OLFM3: variants seen among roughly 807,000 people sequenced by gnomAD.
OLFM3 encodes the protein noelin-3.
A neutral mutation model predicts 48.6 loss-of-function variants in OLFM3; 20 were observed. The observed-to-expected ratio is 0.41, with a 90% confidence interval of 0.29 to 0.60. OLFM3 has a LOEUF of 0.60. Among genes scored for constraint, OLFM3 ranks in the 20% least tolerant of loss-of-function variants. OLFM3 has a pLI of 0.28. For missense variants in OLFM3, 437 were observed against 544.3 expected, an observed-to-expected ratio of 0.80 and a Z score of 1.96; for synonymous variants, 222 against 198.1, an observed-to-expected ratio of 1.12 and a Z score of -1.01.
intron 1 of OLFM3, among the ~76,000 whole-genome samples, chr1:101,899,216 G>A (rs964101028): frequency 1.3e-5 from 2 of 152,064 alleles, no homozygotes; most frequent in Non-Finnish European, 2.9e-5. Context: ...GTTATTGCTA[G>A]AATTCAGTTC....
chr1:101,810,967 A>G (rs945932839), intron 4 of OLFM3, among the ~76,000 whole-genome samples: 1 of 151,852 alleles, frequency 6.6e-6, no homozygotes, highest in Non-Finnish European at 1.5e-5. Context: ...AATGATTACA[A>G]TCTTGGAAAA....
At chr1:101,898,866 C>CA (rs376367203) in intron 1 of OLFM3, among the ~76,000 whole-genome samples, 13 of 151,296 alleles carry the variant, frequency 8.6e-5, no homozygotes, top group African/African-American at 1.5e-4. Context: ...AACAAACAAA[C>CA]AAAAAAAACA....
At chr1:101,953,626 T>A (rs1660208089) in intron 1 of OLFM3, among the ~76,000 whole-genome samples, 1 of 152,166 alleles carries the variant, frequency 6.6e-6, no homozygotes. Context: ...TTACCATTAA[T>A]CCTGTTTGTT....
At chr1:101,909,130 C>A (rs935078928) in intron 1 of OLFM3, among the ~76,000 whole-genome samples, 3 of 152,186 alleles carry the variant, frequency 2.0e-5, no homozygotes, top group Non-Finnish European at 4.4e-5. Flanking sequence ...ATTTCTCACT[C>A]TGCCCTGGGG....
chr1:101,832,019 C>T (rs1045096438), intron 2 of OLFM3, among the ~76,000 whole-genome samples: 5 of 152,052 alleles, frequency 3.3e-5, no homozygotes, highest in African/African-American at 1.2e-4. Context: ...TCTCCTGTCT[C>T]AGTCTCCTGA....
intron 3 of OLFM3, among the ~76,000 whole-genome samples, chr1:101,828,688 C>T (rs1271625959): frequency 6.6e-6 from 1 of 152,186 alleles, no homozygotes; most frequent in Non-Finnish European, 1.5e-5. Context: ...TCAACCCTGA[C>T]ACTCTCAAGC....
intron 1 of OLFM3, among the ~76,000 whole-genome samples, chr1:101,950,571 T>C (rs1660114091): frequency 6.6e-6 from 1 of 151,830 alleles, no homozygotes; most frequent in South Asian, 2.1e-4. Context: ...CCCGAGTAGC[T>C]GGGACTACAA....
chr1:101,995,348 A>C (rs1661528618), intron 1 of OLFM3, among the ~76,000 whole-genome samples: 2 of 152,118 alleles, frequency 1.3e-5, no homozygotes, highest in Non-Finnish European at 2.9e-5. Flanking sequence ...CAAGAAGAAA[A>C]AAAATTAAAT....
At chr1:101,812,790 G>T (rs1336377470) in intron 4 of OLFM3, 44 of 989,352 alleles carry the variant, frequency 4.4e-5, no homozygotes, top group Non-Finnish European at 5.2e-5. Context: ...CCATGGTAAA[G>T]TGGTCTTTTG....
intron 1 of OLFM3, among the ~76,000 whole-genome samples, chr1:101,915,529 G>A (rs1319786371): frequency 6.6e-6 from 1 of 152,014 alleles, no homozygotes; most frequent in Non-Finnish European, 1.5e-5. Context: ...TAAACATAAT[G>A]ATAATCATTT....
intron 4 of OLFM3, among the ~76,000 whole-genome samples, chr1:101,811,117 A>G (rs564102485): frequency 1.3e-5 from 2 of 152,182 alleles, no homozygotes; most frequent in Non-Finnish European, 2.9e-5. Context: ...GTTGAGTCCA[A>G]TTTTGTTCTG....
intron 1 of OLFM3, among the ~76,000 whole-genome samples, chr1:101,926,315 C>T (rs1165693566): frequency 6.6e-6 from 1 of 152,072 alleles, no homozygotes; most frequent in Non-Finnish European, 1.5e-5. Flanking sequence ...ATACTGTAGT[C>T]TATATCACAG....
intron 1 of OLFM3, among the ~76,000 whole-genome samples, chr1:101,846,301 C>T (rs1198096368): frequency 6.6e-6 from 1 of 152,052 alleles, no homozygotes; most frequent in African/African-American, 2.4e-5. Flanking sequence ...TGTTTCTTAG[C>T]TTTCTTAAAG....
chr1:101,945,556 ATTTT>A, intron 1 of OLFM3, among the ~76,000 whole-genome samples: 1 of 151,226 alleles, frequency 6.6e-6, no homozygotes, highest in Admixed American at 6.6e-5. Context: ...GTGGTGATAG[ATTTT>A]TTTTTTATAT....
chr1:101,983,716 AT>A (rs1436925834), intron 1 of OLFM3, among the ~76,000 whole-genome samples: 1 of 152,218 alleles, frequency 6.6e-6, no homozygotes, highest in Non-Finnish European at 1.5e-5. Flanking sequence ...CCTAAAAGCA[AT>A]TCTCAATTAT....
At chr1:101,930,107 A>G (rs1039057744) in intron 1 of OLFM3, among the ~76,000 whole-genome samples, 3 of 152,186 alleles carry the variant, frequency 2.0e-5, no homozygotes, top group Non-Finnish European at 4.4e-5. Context: ...TTCCTTTGTT[A>G]CAGATTGAGC....
chr1:101,897,972 T>C (rs1159149088), intron 1 of OLFM3, among the ~76,000 whole-genome samples: 1 of 152,154 alleles, frequency 6.6e-6, no homozygotes, highest in Admixed American at 6.5e-5. Flanking sequence ...TGACTGAGGA[T>C]TGACTCTTAG....
intron 1 of OLFM3, among the ~76,000 whole-genome samples, chr1:101,843,787 T>C (rs973487928): frequency 1.3e-5 from 2 of 152,218 alleles, no homozygotes; most frequent in East Asian, 1.9e-4. Flanking sequence ...TTCCAGGTCA[T>C]TTGAAACTAT....
intron 1 of OLFM3, among the ~76,000 whole-genome samples, chr1:101,967,590 G>GAAAAAAAAAAAAAAAAAAAAAAAAAAA (rs71592233): frequency 2.0e-4 from 9 of 44,580 alleles, no homozygotes; most frequent in African/African-American, 7.6e-4. Context: ...CCTAGTCAGT[G>GAAAAAAAAAAAAAAAAAAAAAAAAAAA]AAAAAAAAAA....
Sources: gnomAD v4.1 joint callset for allele counts (sites outside exome capture counted in the v4.1 genomes callset) on GRCh38, gnomAD v4.1.1 for gene constraint, MANE v1.5 for transcripts, NCBI Gene and HGNC (gene_info 2026-07-23, HGNC 2026-07-21) for gene names.